PCGF5: variants seen among roughly 807,000 people sequenced by gnomAD.
The protein encoded by PCGF5 is polycomb group RING finger protein 5.
A neutral mutation model predicts 44.3 loss-of-function variants in PCGF5; 9 were observed. The ratio of observed to expected loss-of-function variants is 0.20; its 90% CI spans 0.12 to 0.35. The LOEUF is 0.35. Among genes scored for constraint, PCGF5 ranks in the 10% least tolerant of loss-of-function variants. The pLI, the probability that PCGF5 is intolerant of heterozygous loss-of-function variation, is 1.00. For missense variants in PCGF5, 146 were observed against 305.3 expected, an observed-to-expected ratio of 0.48 and a Z score of 3.89; for synonymous variants, 95 against 102.5, an observed-to-expected ratio of 0.93 and a Z score of 0.44.
chr10:91,273,001 A>T (rs1846217433), intron 9 of PCGF5, among the ~76,000 whole-genome samples: 1 of 152,226 alleles, frequency 6.6e-6, no homozygotes, highest in African/African-American at 2.4e-5. Flanking sequence ...AAAATGTTTA[A>T]TTAGCAGTTT....
At chr10:91,227,881 A>C in intron 2 of PCGF5, 1 of 984,040 alleles carries the variant, frequency 1.0e-6, no homozygotes, top group Non-Finnish European at 1.2e-6. Flanking sequence ...ATCCCCTCTA[A>C]GATGTGCCCT....
chr10:91,186,455 T>G (rs1374214917), intron 1 of PCGF5, among the ~76,000 whole-genome samples: 1 of 152,204 alleles, frequency 6.6e-6, no homozygotes, highest in African/African-American at 2.4e-5. Context: ...AAAGAAATTT[T>G]GTATACTTGA....
At chr10:91,192,797 C>G (rs1445438038) in intron 1 of PCGF5, among the ~76,000 whole-genome samples, 1 of 152,026 alleles carries the variant, frequency 6.6e-6, no homozygotes, top group East Asian at 1.9e-4. Context: ...AAGAAGGGAG[C>G]TGGGTTGTAG....
chr10:91,268,815 C>G (rs1411425948), intron 8 of PCGF5, among the ~76,000 whole-genome samples: 1 of 152,038 alleles, frequency 6.6e-6, no homozygotes, highest in Non-Finnish European at 1.5e-5. Context: ...TTCTATGGTC[C>G]CTGCCCTCTC....
intron 2 of PCGF5, among the ~76,000 whole-genome samples, chr10:91,224,712 G>C (rs1015450358): frequency 6.6e-6 from 1 of 152,062 alleles, no homozygotes; most frequent in Admixed American, 6.6e-5. Context: ...AAATACACTT[G>C]GCCAGTTTAA....
chr10:91,253,907 A>G (rs1443823948), intron 6 of PCGF5, among the ~76,000 whole-genome samples: 1 of 152,048 alleles, frequency 6.6e-6, no homozygotes, highest in East Asian at 1.9e-4. Context: ...CAGCACAGAC[A>G]ATAGTAAATG....
chr10:91,244,138 A>G (rs1429487343), intron 3 of PCGF5, among the ~76,000 whole-genome samples: 1 of 152,218 alleles, frequency 6.6e-6, no homozygotes, highest in Non-Finnish European at 1.5e-5. Context: ...AAAATTGCAA[A>G]GGCAAGAAAG....
chr10:91,217,258 C>T (rs1844560448), upstream of PCGF5, among the ~76,000 whole-genome samples: 1 of 152,212 alleles, frequency 6.6e-6, no homozygotes, highest in South Asian at 2.1e-4. Context: ...TGGTCTCGAT[C>T]TCCTGACCTT....
chr10:91,251,176 A>G lies in PCGF5; in HGVS notation c.326-116A>G, dbSNP rs894617637. 13 of 766,630 alleles carry G rather than the reference A, an allele frequency of 1.7e-5. No individual in the cohort carries two copies. In the East Asian group the frequency reaches 3.1e-4, roughly 18 times the overall value. The allele number at this position is 766,630 out of a possible 1,614,324, so 47.5% of individuals were successfully genotyped here. A position where few individuals can be genotyped will look rare whatever the true frequency, so the allele number is the denominator to read the frequency against. ...TTTAAAGATACTAAGTTCTTCTTCA[A>G]AAACTGTTAGGAAATTTTTTAAAGT... On this transcript the variant is annotated intron_variant, in intron 5 of 9. Coordinates refer to ENST00000336126, the MANE Select transcript of PCGF5 (RefSeq NM_032373.5).
intron 9 of PCGF5, among the ~76,000 whole-genome samples, chr10:91,276,053 G>A (rs1193954114): frequency 6.7e-6 from 1 of 148,720 alleles, no homozygotes; most frequent in African/African-American, 2.5e-5. Context: ...TTGCTAAATA[G>A]ATAAAAAATT....
intron 1 of PCGF5, among the ~76,000 whole-genome samples, chr10:91,206,547 A>G (rs1436644206): frequency 1.3e-5 from 2 of 152,172 alleles, no homozygotes; most frequent in East Asian, 3.8e-4. Context: ...TTAGGAGAGT[A>G]CACTTGGCTG....
At chr10:91,226,591 A>G (rs1353019552) in intron 2 of PCGF5, among the ~76,000 whole-genome samples, 1 of 152,122 alleles carries the variant, frequency 6.6e-6, no homozygotes, top group East Asian at 1.9e-4. Context: ...GTGCATTTCA[A>G]CTCTTTCTCA....
At chr10:91,227,725 T>C in intron 2 of PCGF5, 1 of 1,005,816 alleles carries the variant, frequency 9.9e-7, no homozygotes, top group African/African-American at 1.7e-5. Context: ...ACATTAAAGC[T>C]ACTTAGTGGT....
intron 8 of PCGF5, among the ~76,000 whole-genome samples, chr10:91,266,774 T>C (rs1164188057): frequency 6.6e-6 from 1 of 152,168 alleles, no homozygotes; most frequent in Non-Finnish European, 1.5e-5. Context: ...TTGCTGCCTT[T>C]TTCTTTCATC....
At chr10:91,190,351 AG>A (rs1192968765) in intron 1 of PCGF5, among the ~76,000 whole-genome samples, 2 of 152,228 alleles carry the variant, frequency 1.3e-5, no homozygotes, top group Admixed American at 1.3e-4. Flanking sequence ...AGACCACAGC[AG>A]TAAGTGATTT....
chr10:91,177,162 G>A (rs1468465556), intron 1 of PCGF5, among the ~76,000 whole-genome samples: 43 of 142,450 alleles, frequency 3.0e-4, no homozygotes, highest in African/African-American at 5.5e-4. Context: ...GGAGTTTGCT[G>A]GAGGTCCACT....
rs1183035919 is a variant in PCGF5 at position 91,281,325 on chromosome 10, T to A, written c.*3009T>A. On this transcript the variant is annotated 3_prime_UTR_variant, in exon 10 of 10. Coordinates refer to ENST00000336126, the MANE Select transcript of PCGF5 (RefSeq NM_032373.5). ...AATGTGCCACATTTTATAAACGTAA[T>A]GACTTTGCTCAACTACATTACACAC... is the stretch of plus-strand genomic sequence containing the variant. 6.6e-6 allele frequency: 1 copy of A among 152,552 alleles called. No homozygotes were observed. Among genetic ancestry groups the A allele is most frequent in the Non-Finnish European group, 1.5e-5 (1 of 67,948 alleles). The allele number at this position is 152,552 out of a possible 1,614,324, so 9.4% of individuals were successfully genotyped here.
Position 91,167,422 on chromosome 10 carries a change from A to G in PCGF5, c.-184+4341A>G, listed in dbSNP as rs555480715. Among the ~76,000 whole-genome samples, 4 of 152,360 alleles carry G rather than the reference A, an allele frequency of 2.6e-5. No homozygotes were observed. The East Asian group carries it at 7.7e-4, about 29-fold the overall frequency. On this transcript the variant is annotated intron_variant, in intron 1 of 9. Coordinates refer to the PCGF5 transcript ENST00000614189. ...ATACTTTGTGAATTCAGAGGAGGAA[A>G]AGACTATTTCTAGCCAGAAAAAAGG...
At chr10:91,158,430 G>C (rs1234643266), upstream of PCGF5, among the ~76,000 whole-genome samples, 1 of 152,186 alleles carries the variant, frequency 6.6e-6, no homozygotes, top group African/African-American at 2.4e-5. Context: ...GATTTGAAGG[G>C]GGAGGAGGAA....
Sources: allele counts gnomAD v4.1 joint callset (sites outside exome capture counted in the v4.1 genomes callset), GRCh38; gene constraint gnomAD v4.1.1; transcripts MANE v1.5; gene names NCBI Gene and HGNC (gene_info 2026-07-23, HGNC 2026-07-21).